The following TBC1D32 variants were observed in gnomAD, a reference collection of about 807,000 sequenced individuals.
TBC1D32 encodes the protein protein broad-minded.
A neutral mutation model predicts 170.3 loss-of-function variants in TBC1D32; 151 were observed. The ratio of observed to expected loss-of-function variants is 0.89; its 90% CI spans 0.78 to 1.01. TBC1D32 has a LOEUF of 1.01. TBC1D32 is among the 50% of genes least tolerant of loss of function. The pLI, the probability that TBC1D32 is intolerant of heterozygous loss-of-function variation, is 0.00. For synonymous variants in TBC1D32, 498 were observed against 488.0 expected, an observed-to-expected ratio of 1.02 and a Z score of -0.27; for missense variants, 1,464 against 1,457.1, an observed-to-expected ratio of 1.00 and a Z score of -0.08.
At position 121,096,594 on chromosome 6, in the gene TBC1D32, T is replaced by G. The variant is rs897362591; in HGVS notation, c.3466-5553A>C. Among the ~76,000 whole-genome samples, 3 of 152,106 alleles carry G rather than the reference T, an allele frequency of 2.0e-5. No individual in the cohort carries two copies. In the East Asian group the frequency reaches 5.8e-4, roughly 29 times the overall value. On this transcript the variant is annotated intron_variant, in intron 30 of 31. Transcript: ENST00000398212. ...ATTCCATGCTCATGGATAGGAAGAA[T>G]CAATATCATGAAAATGGCCATACTG...
intron 22 of TBC1D32, among the ~76,000 whole-genome samples, chr6:121,161,644 A>G (rs998497044): frequency 6.6e-6 from 1 of 152,340 alleles, no homozygotes; most frequent in African/African-American, 2.4e-5. Context: ...TGCAATGAAC[A>G]TAAGTGTGCC....
At chr6:121,093,484 C>T (rs941076753) in intron 30 of TBC1D32, among the ~76,000 whole-genome samples, 32 of 152,184 alleles carry the variant, frequency 2.1e-4, no homozygotes, top group African/African-American at 7.5e-4. Context: ...GGATGGATAA[C>T]GAAGGAGAAA....
chr6:121,103,425 T>C (rs141656021), intron 30 of TBC1D32, among the ~76,000 whole-genome samples: 3,225 of 151,944 alleles, frequency 0.021, 111 homozygotes, highest in African/African-American at 0.073. Flanking sequence ...TGAGTTCATG[T>C]CCTTTGTAGG....
At chr6:121,131,280 A>G (rs1168974189) in intron 25 of TBC1D32, among the ~76,000 whole-genome samples, 2 of 151,934 alleles carry the variant, frequency 1.3e-5, no homozygotes, top group Non-Finnish European at 2.9e-5. Flanking sequence ...AGTGATTCAG[A>G]ATAACAATGT....
At chr6:121,179,511 TGATA>T (rs1196509652) in intron 22 of TBC1D32, among the ~76,000 whole-genome samples, 1 of 151,822 alleles carries the variant, frequency 6.6e-6, no homozygotes, top group Non-Finnish European at 1.5e-5. Flanking sequence ...ATATTACAGA[TGATA>T]ATACACAATA....
intron 22 of TBC1D32, among the ~76,000 whole-genome samples, chr6:121,191,114 G>A (rs1343376341): frequency 6.6e-6 from 1 of 151,862 alleles, no homozygotes; most frequent in Non-Finnish European, 1.5e-5. Context: ...GTGTGGATAT[G>A]TAATATACAT....
intron 15 of TBC1D32, among the ~76,000 whole-genome samples, chr6:121,257,591 T>A (rs1429375824): frequency 6.6e-6 from 1 of 152,198 alleles, no homozygotes. Context: ...AAGAAAAGGC[T>A]GGAAAAAAAT....
At chr6:121,273,234 T>C (rs1293974466) in intron 15 of TBC1D32, among the ~76,000 whole-genome samples, 1 of 150,952 alleles carries the variant, frequency 6.6e-6, no homozygotes, top group African/African-American at 2.4e-5. Flanking sequence ...GTTCTGCACA[T>C]GTACCCTAGA....
chr6:121,085,320 CATAT>C (rs10597029), intron 31 of TBC1D32, among the ~76,000 whole-genome samples: 40 of 143,698 alleles, frequency 2.8e-4, no homozygotes, highest in African/African-American at 9.7e-4. Flanking sequence ...CATATATACA[CATAT>C]ATATATACAT....
At chr6:121,270,436 C>A (rs1029882441) in intron 15 of TBC1D32, among the ~76,000 whole-genome samples, 3 of 152,068 alleles carry the variant, frequency 2.0e-5, no homozygotes, top group Non-Finnish European at 2.9e-5. Flanking sequence ...TATATCACCA[C>A]CAATCCCACA....
chr6:121,218,828 T>C (rs892705728), intron 21 of TBC1D32, among the ~76,000 whole-genome samples: 3 of 152,110 alleles, frequency 2.0e-5, no homozygotes, highest in Admixed American at 1.3e-4. Context: ...TGAGATATGA[T>C]GGTTTTATAA....
chr6:121,087,577 C>G (rs1776383582), intron 31 of TBC1D32, among the ~76,000 whole-genome samples: 1 of 152,150 alleles, frequency 6.6e-6, no homozygotes, highest in South Asian at 2.1e-4. Flanking sequence ...TGTATCTTCA[C>G]TTCCTCAATA....
At chr6:121,327,127 G>A (rs1320742381) in intron 1 of TBC1D32, among the ~76,000 whole-genome samples, 2 of 128,880 alleles carry the variant, frequency 1.6e-5, no homozygotes, top group Non-Finnish European at 3.3e-5. Flanking sequence ...CCAAAAGATG[G>A]GAGACAGGGA....
chr6:121,161,105 G>T, intron 22 of TBC1D32, 49 bp from the exon 23 acceptor site: 2 of 1,371,194 alleles, frequency 1.5e-6, no homozygotes, highest in Non-Finnish European at 2.0e-6. Context: ...TTGAATATGT[G>T]TTAATTTTTA....
intron 17 of TBC1D32, among the ~76,000 whole-genome samples, chr6:121,253,078 A>G (rs549013016): frequency 1.7e-4 from 26 of 152,192 alleles, no homozygotes; most frequent in Non-Finnish European, 2.9e-4. Flanking sequence ...CTCAAAAGCA[A>G]TTGCAACAAA....
At chr6:121,328,437 C>G (rs1249579324) in intron 1 of TBC1D32, among the ~76,000 whole-genome samples, 6 of 151,912 alleles carry the variant, frequency 3.9e-5, no homozygotes, top group Non-Finnish European at 8.8e-5. Context: ...AGATGCCCGC[C>G]ACCACACCTG....
At position 121,080,407 on chromosome 6, in the gene TBC1D32, G is replaced by A. The variant is rs932273896; in HGVS notation, c.*364C>T. 3.2e-5 allele frequency: 9 copies of A among 279,206 alleles called. No individual in the cohort carries two copies. Among genetic ancestry groups the A allele is most frequent in the Non-Finnish European group, 6.0e-5 (8 of 133,552 alleles). 17.3% of individuals were successfully genotyped at this position (279,206 alleles called of 1,614,324 possible). On this transcript the variant is annotated 3_prime_UTR_variant, in exon 32 of 32. Coordinates refer to ENST00000398212, the MANE Select transcript of TBC1D32 (RefSeq NM_152730.6). ...ATTTCAGTATTGTTAGCAGAGACGA[G>A]GTTTCACCATTTTGGCCAGGATGGT...
chr6:121,104,285 C>G (rs1051116278), intron 30 of TBC1D32, among the ~76,000 whole-genome samples: 18 of 151,620 alleles, frequency 1.2e-4, no homozygotes, highest in Non-Finnish European at 2.1e-4. Context: ...GTCCCAGGAT[C>G]AACTTAATCT....
At chr6:121,274,372 C>T (rs1211521822) in intron 15 of TBC1D32, among the ~76,000 whole-genome samples, 1 of 150,436 alleles carries the variant, frequency 6.6e-6, no homozygotes, top group African/African-American at 2.4e-5. Context: ...AAAAAAAACC[C>T]ACACAACTTA....
Sources: gnomAD v4.1 joint callset for allele counts (sites outside exome capture counted in the v4.1 genomes callset) on GRCh38, gnomAD v4.1.1 for gene constraint, MANE v1.5 for transcripts, NCBI Gene and HGNC (gene_info 2026-07-23, HGNC 2026-07-21) for gene names.